The following NFATC3 variants were observed in gnomAD, a reference collection of about 807,000 sequenced individuals.
NFATC3 encodes nuclear factor of activated T cells 3.
Under a neutral mutation model 98.6 loss-of-function variants are expected in NFATC3, and 46 were observed. The ratio of observed to expected loss-of-function variants is 0.47; its 90% confidence interval spans 0.37 to 0.60. The LOEUF is 0.60. Ranked by LOEUF, NFATC3 falls within the 20% of genes least tolerant of loss-of-function variation. NFATC3 has a pLI of 0.00. For missense variants in NFATC3, 1,256 were observed against 1,295.5 expected, an observed-to-expected ratio of 0.97 and a Z score of 0.47; for synonymous variants, 512 against 472.2, an observed-to-expected ratio of 1.08 and a Z score of -1.09.
At chr16:68,208,138 C>T (rs374580079) in intron 9 of NFATC3, among the ~76,000 whole-genome samples, 3 of 151,872 alleles carry the variant, frequency 2.0e-5, no homozygotes, top group Non-Finnish European at 2.9e-5. Flanking sequence ...CAAGTTCAAG[C>T]GATTCTCCTG....
At chr16:68,115,915 C>A (rs2151490381) in intron 1 of NFATC3, among the ~76,000 whole-genome samples, 1 of 152,134 alleles carries the variant, frequency 6.6e-6, no homozygotes, top group East Asian at 1.9e-4. Flanking sequence ...GTCTACTTTT[C>A]TTTTTGTGTT....
chr16:68,112,535 CA>C (rs2036014126), intron 1 of NFATC3, among the ~76,000 whole-genome samples: 1 of 151,798 alleles, frequency 6.6e-6, no homozygotes, highest in Non-Finnish European at 1.5e-5. Context: ...CTCGGCCTCC[CA>C]AAGTGCTGGG....
intron 9 of NFATC3, among the ~76,000 whole-genome samples, chr16:68,215,235 C>T (rs2041587017): frequency 6.6e-6 from 1 of 152,208 alleles, no homozygotes; most frequent in Non-Finnish European, 1.5e-5. Flanking sequence ...AAAACCCTAA[C>T]TTCTCCCAGA....
intron 9 of NFATC3, chr16:68,225,400 C>T (rs911014075): frequency 6.6e-6 from 1 of 152,172 alleles, no homozygotes; most frequent in Admixed American, 6.5e-5. Context: ...TAAATGGAAT[C>T]ATATATGACC....
chr16:68,154,617 C>G (rs977630394), intron 3 of NFATC3, among the ~76,000 whole-genome samples: 2 of 152,158 alleles, frequency 1.3e-5, no homozygotes, highest in Non-Finnish European at 2.9e-5. Context: ...TTGCAGTCTC[C>G]TCTCAGGGAA....
intron 2 of NFATC3, among the ~76,000 whole-genome samples, chr16:68,123,408 T>C (rs2036652074): frequency 6.6e-6 from 1 of 150,948 alleles, no homozygotes; most frequent in African/African-American, 2.4e-5. Context: ...TGCTTTGTAT[T>C]CCCAACACTT....
At chr16:68,220,214 CT>C (rs1156712214) in intron 9 of NFATC3, among the ~76,000 whole-genome samples, 1 of 152,170 alleles carries the variant, frequency 6.6e-6, no homozygotes, top group African/African-American at 2.4e-5. Flanking sequence ...TTTTAATTCA[CT>C]TTGCTCTTTA....
At chr16:68,178,804 C>T (rs2039828626) in intron 6 of NFATC3, among the ~76,000 whole-genome samples, 1 of 152,150 alleles carries the variant, frequency 6.6e-6, no homozygotes. Context: ...TTATTTGGCC[C>T]AGAGCTTCAC....
At chr16:68,201,856 G>A (rs1428562934) in intron 9 of NFATC3, among the ~76,000 whole-genome samples, 2 of 117,098 alleles carry the variant, frequency 1.7e-5, no homozygotes, top group African/African-American at 5.5e-5. Context: ...TACTTGGGAG[G>A]CTGGCATAGG....
chr16:68,199,496 T>G (rs1049506141), intron 9 of NFATC3, among the ~76,000 whole-genome samples: 7 of 149,966 alleles, frequency 4.7e-5, no homozygotes, highest in Non-Finnish European at 1.0e-4. Context: ...AGTGCTGGGA[T>G]TACAGGCGTG....
Position 68,126,757 on chromosome 16 carries a change from A to G in NFATC3, c.1401+147A>G, listed in dbSNP as rs1360472649. On this transcript the variant is annotated intron_variant, in intron 3 of 9. Coordinates refer to ENST00000346183, the MANE Select transcript of NFATC3 (RefSeq NM_173165.3). Reference sequence around the variant, plus strand: ...GTTTTGGGGGCTTGTTGATGTGACTACACTTGTGCATTGAGTTATATTTGC... The same window carrying G: ...GTTTTGGGGGCTTGTTGATGTGACTGCACTTGTGCATTGAGTTATATTTGC... 9 of 636,654 alleles carry G rather than the reference A, an allele frequency of 1.4e-5. No homozygotes were observed. In the Admixed American group the frequency reaches 1.9e-4, roughly 13 times the overall value. The allele number at this position is 636,654 out of a possible 1,614,324, so 39.4% of individuals were successfully genotyped here.
Position 68,085,704 on chromosome 16 carries a change from C to T in NFATC3, c.23C>T (p.Ala8Val), listed in dbSNP as rs1375785790. 2 of 1,515,982 alleles carry T rather than the reference C, an allele frequency of 1.3e-6. No individual in the cohort carries two copies. Among genetic ancestry groups the T allele is most frequent in the South Asian group, 1.2e-5 (1 of 81,408 alleles). 93.9% of individuals were successfully genotyped at this position (1,515,982 alleles called of 1,614,324 possible). The change falls in exon 1 of 10, where the codon GCC becomes GTC. Residue 8 changes from alanine to valine, a missense_variant. Physicochemically the swap from Ala to Val is moderately conservative, Grantham distance 64. Around this residue, in one of 3 missense-constraint regions of NFATC3, gnomAD observed 464 missense variants for 465.7 expected, o/e 1.00. Transcript: ENST00000346183. MTTANCG[A>V]HDELDFKLVF... The stretch of plus-strand genomic sequence containing the variant: ...CCGATGACTACTGCAAACTGTGGCG[C>T]CCACGACGAGCTCGACTTCAAACTC...
At chr16:68,207,434 A>G (rs1329500968) in intron 9 of NFATC3, among the ~76,000 whole-genome samples, 1 of 152,064 alleles carries the variant, frequency 6.6e-6, no homozygotes, top group African/African-American at 2.4e-5. Flanking sequence ...TTTACGTAAG[A>G]GTGGAATTGC....
chr16:68,210,291 C>T (rs2041326298), intron 9 of NFATC3, among the ~76,000 whole-genome samples: 1 of 140,644 alleles, frequency 7.1e-6, no homozygotes, highest in South Asian at 2.3e-4. Context: ...GAGTGAGATT[C>T]CTTCTCAAAA....
At chr16:68,181,335 A>G in intron 6 of NFATC3, 140 bp from the exon 7 acceptor site, 1 of 645,450 alleles carries the variant, frequency 1.5e-6, no homozygotes, top group South Asian at 1.7e-5. Context: ...GTACATATTT[A>G]TATTTTATTT....
chr16:68,187,167 G>T (rs1420531304), intron 8 of NFATC3, among the ~76,000 whole-genome samples: 1 of 152,186 alleles, frequency 6.6e-6, no homozygotes, highest in East Asian at 1.9e-4. Flanking sequence ...GGGTGGTGGC[G>T]CCCTGTGAGG....
In NFATC3 at chr16:68,191,309, A is replaced by G. The variant is rs758875386; in HGVS notation, c.2640A>G (p.Gln880=). The part of the protein sequence containing the change: ...PHSVHTLPHL[Q]SMGYHCSNTG... ...CTGTGCATACCCTGCCTCATCTGCAATCAATGGGATATCATTGTTCAAATA... is the reference window on the plus strand; with the variant it reads ...CTGTGCATACCCTGCCTCATCTGCAGTCAATGGGATATCATTGTTCAAATA... The change falls in exon 9 of 10, where the codon CAA becomes CAG. Residue 880 remains glutamine, a synonymous_variant. Coordinates refer to ENST00000346183, the MANE Select transcript of NFATC3 (RefSeq NM_173165.3). The G allele has an allele frequency of 7.4e-6, 12 of 1,614,196 alleles. No individual in the cohort carries two copies. Among genetic ancestry groups the G allele is most frequent in the East Asian group, 4.5e-5 (2 of 44,884 alleles).
intron 1 of NFATC3, among the ~76,000 whole-genome samples, chr16:68,099,607 AAAT>A (rs369467712): frequency 0.03 from 4,539 of 150,008 alleles, 194 homozygotes; most frequent in African/African-American, 0.099. Flanking sequence ...TCTCAAAATA[AAAT>A]AATAATAATA....
At chr16:68,195,802 C>T (rs542868888) in intron 9 of NFATC3, among the ~76,000 whole-genome samples, 7 of 152,088 alleles carry the variant, frequency 4.6e-5, no homozygotes, top group East Asian at 3.9e-4. Flanking sequence ...TGCAAGACTC[C>T]GTCTCAAAAA....
Sources: allele counts gnomAD v4.1 joint callset (sites outside exome capture counted in the v4.1 genomes callset), GRCh38; gene constraint gnomAD v4.1.1; regional missense constraint gnomAD v4.1.1; transcripts MANE v1.5; gene names NCBI Gene and HGNC (gene_info 2026-07-23, HGNC 2026-07-21).